ERBB4: variants seen among roughly 807,000 people sequenced by gnomAD.
The protein encoded by ERBB4 is receptor tyrosine-protein kinase erbB-4.
ERBB4 carries 42 observed loss-of-function variants against 158.0 expected under a neutral mutation model. The ratio of observed to expected loss-of-function variants is 0.27; its 90% CI spans 0.21 to 0.34. The LOEUF (loss-of-function observed/expected upper bound fraction) is 0.34. Among genes scored for constraint, ERBB4 ranks in the 10% least tolerant of loss-of-function variants. The probability of loss-of-function intolerance (pLI) is 1.00; values close to 1 mark genes in which losing one functional copy is unlikely to be tolerated. For missense variants in ERBB4, 1,333 were observed against 1,624.1 expected, an observed-to-expected ratio of 0.82 and a Z score of 3.08; for synonymous variants, 583 against 558.7, an observed-to-expected ratio of 1.04 and a Z score of -0.61.
At chr2:211,810,813 C>T (rs1233870573) in intron 3 of ERBB4, among the ~76,000 whole-genome samples, 1 of 151,914 alleles carries the variant, frequency 6.6e-6, no homozygotes, top group Non-Finnish European at 1.5e-5. Flanking sequence ...GCTGGGACTA[C>T]AGGCGCCCGC....
At chr2:212,003,082 A>G in intron 2 of ERBB4, among the ~76,000 whole-genome samples, 1 of 138,916 alleles carries the variant, frequency 7.2e-6, no homozygotes. Context: ...AGAGAGAGAG[A>G]GAAAGAGAGA....
chr2:212,388,544 A>G (rs757024143), intron 1 of ERBB4, among the ~76,000 whole-genome samples: 5 of 152,068 alleles, frequency 3.3e-5, no homozygotes, highest in Admixed American at 3.3e-4. Context: ...AAGGGTAAAC[A>G]CTAGGGTTAA....
At chr2:212,003,256 G>GAAAGAGAGAGAAAGACAATAA (rs2076180460) in intron 2 of ERBB4, among the ~76,000 whole-genome samples, 1 of 92,432 alleles carries the variant, frequency 1.1e-5, no homozygotes, top group African/African-American at 3.6e-5. Flanking sequence ...AAGGAAGGAA[G>GAAAGAGAGAGAAAGACAATAA]GAAAGAGAGA....
chr2:212,129,008 T>C (rs2080027821), intron 1 of ERBB4, among the ~76,000 whole-genome samples: 1 of 152,072 alleles, frequency 6.6e-6, no homozygotes, highest in African/African-American at 2.4e-5. Context: ...AAAATGACTG[T>C]TGAGAAAAGG....
At chr2:211,538,836 T>C (rs974417155) in intron 20 of ERBB4, among the ~76,000 whole-genome samples, 1 of 151,900 alleles carries the variant, frequency 6.6e-6, no homozygotes, top group Non-Finnish European at 1.5e-5. Flanking sequence ...AATATGTGTA[T>C]GTTGTGGGAC....
At chr2:212,180,311 T>G (rs1481986977) in intron 1 of ERBB4, among the ~76,000 whole-genome samples, 2 of 151,586 alleles carry the variant, frequency 1.3e-5, no homozygotes, top group African/African-American at 4.8e-5. Context: ...TATTTTTTTC[T>G]TGGACAGATA....
intron 3 of ERBB4, among the ~76,000 whole-genome samples, chr2:211,889,920 T>C: frequency 7.4e-6 from 1 of 135,796 alleles, no homozygotes; most frequent in South Asian, 2.4e-4. Context: ...AGACCAAATC[T>C]ACGTCTGATT....
chr2:212,205,025 C>G (rs1390771190), intron 1 of ERBB4, among the ~76,000 whole-genome samples: 2 of 151,656 alleles, frequency 1.3e-5, no homozygotes, highest in Admixed American at 1.3e-4. Flanking sequence ...TCCATATTGG[C>G]CAGGCTAGTC....
At chr2:212,079,194 G>C (rs1011922413) in intron 2 of ERBB4, among the ~76,000 whole-genome samples, 10 of 133,480 alleles carry the variant, frequency 7.5e-5, no homozygotes, top group African/African-American at 2.5e-4. Context: ...AGAATGTAAA[G>C]ATCCCATTTT....
intron 20 of ERBB4, among the ~76,000 whole-genome samples, chr2:211,554,531 G>T (rs1382383432): frequency 6.6e-6 from 1 of 152,234 alleles, no homozygotes; most frequent in African/African-American, 2.4e-5. Context: ...ACAGGCAGCT[G>T]TAGAGCTGCT....
intron 1 of ERBB4, among the ~76,000 whole-genome samples, chr2:212,213,718 A>C (rs2105933056): frequency 6.6e-6 from 1 of 152,038 alleles, no homozygotes; most frequent in Non-Finnish European, 1.5e-5. Flanking sequence ...AGGCTCTTCA[A>C]AAGCAGGGTG....
intron 1 of ERBB4, among the ~76,000 whole-genome samples, chr2:212,145,879 C>T (rs879622236): frequency 9.9e-5 from 15 of 152,192 alleles, no homozygotes; most frequent in Admixed American, 3.3e-4. Context: ...CAAAGCGGCT[C>T]CCCTTCTCAT....
At chr2:211,695,592 A>T (rs1473716646) in intron 12 of ERBB4, among the ~76,000 whole-genome samples, 3 of 152,140 alleles carry the variant, frequency 2.0e-5, no homozygotes, top group African/African-American at 7.2e-5. Flanking sequence ...TTATCTGCTT[A>T]TGATTTTGAG....
intron 3 of ERBB4, among the ~76,000 whole-genome samples, chr2:211,861,132 A>ATATATTTTATATATATATATATAT (rs1286169408): frequency 4.9e-5 from 2 of 41,208 alleles, no homozygotes; most frequent in Non-Finnish European, 8.2e-5. Flanking sequence ...TTTTATATAT[A>ATATATTTTATATATATATATATAT]TATATATATA....
chr2:211,621,809 C>T (rs2069615704), intron 18 of ERBB4, among the ~76,000 whole-genome samples: 1 of 152,078 alleles, frequency 6.6e-6, no homozygotes, highest in Non-Finnish European at 1.5e-5. Flanking sequence ...TTCATAAACA[C>T]ATAAATTTGC....
intron 7 of ERBB4, among the ~76,000 whole-genome samples, chr2:211,719,625 G>A (rs1457229281): frequency 2.6e-5 from 4 of 152,074 alleles, no homozygotes; most frequent in East Asian, 3.9e-4. Context: ...GGAGGCCGAG[G>A]CGGGCTAATC....
In ERBB4 at chr2:211,772,838, CATATAT is replaced by C. The variant is rs1278564933; in HGVS notation, c.556+15181_556+15186del. Among the ~76,000 whole-genome samples, 58 of 18,310 alleles carry C rather than the reference CATATAT, an allele frequency of 3.2e-3. 2 individuals carry two copies. The highest frequency in any genetic ancestry group is 9.4e-3 in the African/African-American group (36 of 3,828). The allele number at this position is 18,310 out of a possible 152,430, so 12.0% of individuals were successfully genotyped here. ...ATATATATATATATATATATATACA[CATATAT>C]ATATATATATATATATATATATATA... On this transcript the variant is annotated intron_variant, in intron 4 of 27. Coordinates refer to ENST00000342788, the MANE Select transcript of ERBB4 (RefSeq NM_005235.3).
chr2:212,303,959 T>TA (rs1026104949), intron 1 of ERBB4, among the ~76,000 whole-genome samples: 4 of 151,586 alleles, frequency 2.6e-5, no homozygotes, highest in African/African-American at 9.7e-5. Context: ...AAAAAATAGA[T>TA]AACTTTCCTA....
rs2067405974 is a variant in ERBB4, at chr2:211,561,962, C to T, written c.2428G>A (p.Glu810Lys). 4 of 1,614,092 alleles carry T rather than the reference C, an allele frequency of 2.5e-6. No individual in the cohort carries two copies. Among genetic ancestry groups the T allele is most frequent in the East Asian group, 2.2e-5 (1 of 44,870 alleles). ...TGTGATCCAATGTTATCCTTGTGCTCGTGGACATACTCCAACAGGCAGCCA... is the reference window on the plus strand; with the variant it reads ...TGTGATCCAATGTTATCCTTGTGCTTGTGGACATACTCCAACAGGCAGCCA... ...PHGCLLEYVHEHKDNIGSQLL... is the reference protein window; with the variant it reads ...PHGCLLEYVHKHKDNIGSQLL... The change falls in exon 20 of 28, where the codon GAG becomes AAG. Residue 810 changes from glutamate (E) to lysine (K), a missense_variant. By Grantham distance (56) the Glu-to-Lys change is moderately conservative. Around this residue, in one of 5 missense-constraint regions of ERBB4, gnomAD observed 314 missense variants for 437.6 expected, o/e 0.72. Coordinates refer to ENST00000342788, the MANE Select transcript of ERBB4 (RefSeq NM_005235.3).
Sources: allele counts gnomAD v4.1 joint callset (sites outside exome capture counted in the v4.1 genomes callset), GRCh38; gene constraint gnomAD v4.1.1; regional missense constraint gnomAD v4.1.1; transcripts MANE v1.5; gene names NCBI Gene and HGNC (gene_info 2026-07-23, HGNC 2026-07-21).